Variants in PCNX2 observed in about 807,000 individuals in gnomAD.
PCNX2 encodes pecanex-like protein 2.
A neutral mutation model predicts 223.8 loss-of-function variants in PCNX2; 168 were observed. The observed-to-expected ratio is 0.75, with a 90% CI of 0.66 to 0.85. PCNX2 has a LOEUF of 0.85. Among genes scored for constraint, PCNX2 ranks in the 40% least tolerant of loss-of-function variants. The probability of loss-of-function intolerance (pLI) is 0.00; values close to 1 mark genes in which losing one functional copy is unlikely to be tolerated. For missense variants in PCNX2, 2,507 were observed against 2,675.5 expected, an observed-to-expected ratio of 0.94 and a Z score of 1.39; for synonymous variants, 1,006 against 1,052.6, an observed-to-expected ratio of 0.96 and a Z score of 0.86.
At chr1:233,052,197 T>C (rs1350430875) in intron 25 of PCNX2, among the ~76,000 whole-genome samples, 1 of 152,172 alleles carries the variant, frequency 6.6e-6, no homozygotes, top group African/African-American at 2.4e-5. Flanking sequence ...TTCGTAAACA[T>C]TTATTTAGGA....
intron 17 of PCNX2, 116 bp from the exon 18 acceptor site, chr1:233,161,479 T>A (rs1678478782): frequency 2.4e-6 from 2 of 821,964 alleles, no homozygotes; most frequent in Non-Finnish European, 2.0e-6. Context: ...TTCCAGCCCA[T>A]CACTTACCTG....
At position 233,280,965 on chromosome 1, in the gene PCNX2, C is replaced by G. The variant is rs952020060; in HGVS notation, c.153+14361G>C. Among the ~76,000 whole-genome samples, 3 of 61,536 alleles carry G rather than the reference C, an allele frequency of 4.9e-5. No individual in the cohort carries two copies. The East Asian group carries it at 1.9e-3, about 39-fold the overall frequency. 40.4% of individuals were successfully genotyped at this position (61,536 alleles called of 152,430 possible). A position where few individuals can be genotyped will look rare whatever the true frequency, so the allele number is the denominator to read the frequency against. ...CTTAAATGTTCACATCTCTCACGAT[C>G]ATCACCATCATGATCATCATCATCT... On this transcript the variant is annotated intron_variant, in intron 1 of 33. Transcript: ENST00000258229.
intron 21 of PCNX2, among the ~76,000 whole-genome samples, chr1:233,114,639 C>T (rs1393438844): frequency 2.0e-5 from 3 of 152,150 alleles, no homozygotes; most frequent in Non-Finnish European, 4.4e-5. Flanking sequence ...ACTGATGGCT[C>T]GTCTCAACCC....
intron 23 of PCNX2, among the ~76,000 whole-genome samples, chr1:233,060,284 C>T (rs1672356975): frequency 6.6e-6 from 1 of 152,208 alleles, no homozygotes; most frequent in Non-Finnish European, 1.5e-5. Flanking sequence ...ATTTTAATTT[C>T]ACCTTAAGAC....
intron 25 of PCNX2, among the ~76,000 whole-genome samples, chr1:233,036,913 C>T (rs1239548935): frequency 6.6e-6 from 1 of 152,172 alleles, no homozygotes; most frequent in African/African-American, 2.4e-5. Flanking sequence ...ATGAATAGGG[C>T]TTTCCCTGCG....
intron 23 of PCNX2, among the ~76,000 whole-genome samples, chr1:233,059,211 G>A (rs1672308991): frequency 6.6e-6 from 1 of 152,070 alleles, no homozygotes; most frequent in South Asian, 2.1e-4. Context: ...CTTGACTCCT[G>A]TGCTGCTTGA....
intron 12 of PCNX2, chr1:233,211,977 TG>T: frequency 5.8e-6 from 1 of 173,172 alleles, no homozygotes; most frequent in Non-Finnish European, 1.1e-5. Context: ...TGTGACATTA[TG>T]GTCACGTACA....
chr1:233,103,656 C>T (rs1383135435), intron 21 of PCNX2, among the ~76,000 whole-genome samples: 2 of 152,016 alleles, frequency 1.3e-5, no homozygotes, highest in Non-Finnish European at 2.9e-5. Flanking sequence ...TGTATAAGTA[C>T]CACATTTTAA....
intron 33 of PCNX2, 88 bp downstream of exon 33, chr1:232,986,004 G>T: frequency 7.2e-7 from 1 of 1,394,620 alleles, no homozygotes; most frequent in Non-Finnish European, 1.0e-6. Flanking sequence ...AGGCAGAAGG[G>T]TGGGAACGCA....
chr1:233,027,256 A>C (rs1199672986), intron 25 of PCNX2, among the ~76,000 whole-genome samples: 1 of 152,218 alleles, frequency 6.6e-6, no homozygotes, highest in Non-Finnish European at 1.5e-5. Context: ...TGATCTTTGC[A>C]AGACGGGTTG....
chr1:233,184,974 A>G (rs1680007112), intron 15 of PCNX2, among the ~76,000 whole-genome samples: 1 of 151,764 alleles, frequency 6.6e-6, no homozygotes. Flanking sequence ...GTTTTGACAC[A>G]TGGTAACAAA....
the PCNX2 span, among the ~76,000 whole-genome samples, chr1:233,322,678 C>G: frequency 6.6e-6 from 1 of 152,130 alleles, no homozygotes; most frequent in Non-Finnish European, 1.5e-5. Context: ...TTTTGGCAGG[C>G]AGCAGAAGGG....
At chr1:233,181,332 T>A (rs151278973) in intron 15 of PCNX2, among the ~76,000 whole-genome samples, 1,955 of 152,020 alleles carry the variant, frequency 0.013, 26 homozygotes, top group South Asian at 0.036. Context: ...CCCAAGTAGC[T>A]GGGATTACAG....
At chr1:233,096,469 T>C (rs1305416113) in intron 21 of PCNX2, among the ~76,000 whole-genome samples, 1 of 152,178 alleles carries the variant, frequency 6.6e-6, no homozygotes, top group South Asian at 2.1e-4. Context: ...ATGGAGATGA[T>C]GACTGTGTAG....
rs115407664 is a variant in PCNX2, at chr1:233,182,531, T to G, written c.3067-3356A>C. ...GCTAATCGGATCATGTCTGTGCCCT[T>G]CACTCAGTATCTTTCAATGATTCCT... is the stretch of plus-strand genomic sequence containing the variant. On this transcript the variant is annotated intron_variant, in intron 15 of 33. Coordinates refer to ENST00000258229, the MANE Select transcript of PCNX2 (RefSeq NM_014801.4). 1.6e-4 allele frequency among the ~76,000 whole-genome samples: 25 copies of G among 152,194 alleles called. 1 individual carries two copies. The highest frequency in any genetic ancestry group is 2.9e-4 in the Non-Finnish European group (20 of 68,004).
At position 233,001,705 on chromosome 1, in the gene PCNX2, A is replaced by C; in HGVS notation, c.4953-24T>G. Reference sequence around the variant, plus strand: ...GGCTGCAAAACAAAGTCCTATTACTATGGAACAAATTTCAGAATCCTGTCA... The same window carrying C: ...GGCTGCAAAACAAAGTCCTATTACTCTGGAACAAATTTCAGAATCCTGTCA... On this transcript the variant is annotated intron_variant, in intron 28 of 33. Coordinates refer to ENST00000258229, the MANE Select transcript of PCNX2 (RefSeq NM_014801.4). This position sits in a 1 kb window ranked among gnomAD's most constrained non-coding sequence, Gnocchi z 4.2. The C allele has an allele frequency of 6.6e-7, 1 of 1,515,288 alleles. No homozygotes were observed. Among genetic ancestry groups the C allele is most frequent in the African/African-American group, 1.4e-5 (1 of 72,870 alleles). 93.9% of individuals were successfully genotyped at this position (1,515,288 alleles called of 1,614,324 possible).
At chr1:233,178,844 A>C (rs1679634448) in intron 16 of PCNX2, among the ~76,000 whole-genome samples, 1 of 152,216 alleles carries the variant, frequency 6.6e-6, no homozygotes, top group Admixed American at 6.5e-5. Flanking sequence ...CAAAAGAGCA[A>C]AACTAAAATG....
chr1:233,176,804 G>T (rs532067771), intron 17 of PCNX2, among the ~76,000 whole-genome samples: 1 of 152,298 alleles, frequency 6.6e-6, no homozygotes, highest in South Asian at 2.1e-4. Context: ...ACGTGGTCAG[G>T]AGATCGAGAC....
chr1:233,284,904 T>C (rs1252579166), intron 1 of PCNX2: 10 of 943,418 alleles, frequency 1.1e-5, no homozygotes, highest in African/African-American at 7.1e-5. Flanking sequence ...GGTATGATCA[T>C]CCAGGGTCAT....
Sources: gnomAD v4.1 joint callset for allele counts (sites outside exome capture counted in the v4.1 genomes callset) on GRCh38, gnomAD v4.1.1 for gene constraint, Gnocchi (gnomAD v3.1) non-coding constraint, MANE v1.5 for transcripts, NCBI Gene and HGNC (gene_info 2026-07-23, HGNC 2026-07-21) for gene names.